The following COL6A5 variants were observed in gnomAD, a reference collection of about 807,000 sequenced individuals.
The protein encoded by COL6A5 is collagen alpha-5(VI) chain.
A neutral mutation model predicts 65.6 loss-of-function variants in COL6A5; 48 were observed. That is an observed-to-expected ratio of 0.73 (90% CI 0.58 to 0.93). The LOEUF (loss-of-function observed/expected upper bound fraction) is 0.93. Ranked by LOEUF, COL6A5 falls within the 40% of genes least tolerant of loss-of-function variation. The pLI is 0.00. For synonymous variants in COL6A5, 291 were observed against 322.8 expected (o/e 0.90, Z 1.05); for missense variants, 914 against 928.3 (o/e 0.98, Z 0.20).
At chr3:130,420,090 G>A (rs1275474511) in intron 25 of COL6A5, among the ~76,000 whole-genome samples, 1 of 151,624 alleles carries the variant, frequency 6.6e-6, no homozygotes, top group Non-Finnish European at 1.5e-5. Flanking sequence ...GTCTTAAAAA[G>A]TATCTTTTTA....
chr3:130,404,672 G>A (rs1324707635), intron 13 of COL6A5, among the ~76,000 whole-genome samples: 1 of 152,194 alleles, frequency 6.6e-6, no homozygotes, highest in African/African-American at 2.4e-5. Context: ...GCAATGGGAA[G>A]CCATAGGGCT....
chr3:130,401,232 CTT>C, intron 11 of COL6A5, 59 bp downstream of exon 11: 1 of 1,428,502 alleles, frequency 7.0e-7, no homozygotes, highest in Non-Finnish European at 9.4e-7. Context: ...AAATTGGAAT[CTT>C]GATGAGAACT....
rs567869139 is a variant in COL6A5, at chr3:130,378,059, A to G, written c.667+1223A>G. 2.0e-4 allele frequency among the ~76,000 whole-genome samples: 30 copies of G among 152,268 alleles called. No homozygotes were observed. The South Asian group carries it at 5.0e-3, about 25-fold the overall frequency. On this transcript the variant is annotated intron_variant and NMD_transcript_variant, in intron 3 of 41. Transcript: ENST00000312481. ...GGTAATTCTTGGCAAGGTTGAGCTT[A>G]TCTCTTGGCTATGCTTTCCACAGCT...
chr3:130,347,426 A>G (rs1209457841), intron 1 of COL6A5, among the ~76,000 whole-genome samples: 1 of 152,048 alleles, frequency 6.6e-6, no homozygotes, highest in African/African-American at 2.4e-5. Flanking sequence ...TTCAAAAACT[A>G]ATCACCTCTC....
At chr3:130,391,310 C>T (rs1440676621) in exon 7 of COL6A5, 39 of 1,551,562 alleles carry the variant, frequency 2.5e-5, no homozygotes, top group East Asian at 4.9e-5. Flanking sequence ...TGGCAGGGAC[C>T]GAGTTCAGTT....
Position 130,480,623 on chromosome 3 carries a change from A to C in COL6A5, c.2329-3412A>C, listed in dbSNP as rs531766243. Among the ~76,000 whole-genome samples the C allele has an allele frequency of 1.7e-4, 26 of 152,284 alleles. No individual in the cohort carries two copies. The South Asian group carries it at 5.4e-3, about 32-fold the overall frequency. On this transcript the variant is annotated intron_variant, in intron 7 of 7. Transcript: ENST00000512836. ...GTTTTATTTTTAAATGTCAGTTTTT[A>C]TAATATGTCACAACTTACATCTTTT...
rs116988614 is a variant in COL6A5 at position 130,373,521 on chromosome 3, A to G, written c.-28-90A>G. 1.9e-3 allele frequency: 1,225 copies of G among 640,528 alleles called. 15 individuals carry two copies. The East Asian group carries it at 0.029, about 15-fold the overall frequency. The allele number at this position is 640,528 out of a possible 1,614,324, so 39.7% of individuals were successfully genotyped here. The stretch of plus-strand genomic sequence containing the variant: ...GGCACTGCTTGACAAATACTTGTTT[A>G]CAGGTACCATGCCCTAATACAACTA... On this transcript the variant is annotated intron_variant and NMD_transcript_variant, in intron 1 of 41. Transcript: ENST00000312481.
intron 5 of COL6A5, among the ~76,000 whole-genome samples, chr3:130,455,889 A>C (rs1425777339): frequency 6.6e-6 from 1 of 152,152 alleles, no homozygotes; most frequent in Non-Finnish European, 1.5e-5. Context: ...TGTCCCTGAT[A>C]TTCTTACCAA....
At chr3:130,377,579 A>G (rs1037495152) in intron 3 of COL6A5, among the ~76,000 whole-genome samples, 9 of 152,248 alleles carry the variant, frequency 5.9e-5, no homozygotes, top group African/African-American at 2.2e-4. Flanking sequence ...AGTGGACTGC[A>G]TTCTGCTGTG....
chr3:130,440,896 A>G lies in COL6A5; in HGVS notation c.1241+71A>G, dbSNP rs923670664. 185 of 1,133,718 alleles carry G rather than the reference A, an allele frequency of 1.6e-4. 2 individuals carry two copies. The highest frequency in any genetic ancestry group is 8.3e-4 in the Middle Eastern group (4 of 4,806). The allele number at this position is 1,133,718 out of a possible 1,614,324, so 70.2% of individuals were successfully genotyped here. A position where few individuals can be genotyped will look rare whatever the true frequency, so the allele number is the denominator to read the frequency against. The stretch of plus-strand genomic sequence containing the variant: ...TTTGTTAATACAGTATTGATAACCT[A>G]TTTTTGTATCTATAGCTAATCTAAA... On this transcript the variant is annotated intron_variant, in intron 3 of 7. Coordinates refer to ENST00000512836, the Ensembl canonical transcript of COL6A5.
chr3:130,402,591 G>T (rs1170630755), intron 12 of COL6A5, among the ~76,000 whole-genome samples: 3 of 152,118 alleles, frequency 2.0e-5, no homozygotes, highest in Non-Finnish European at 2.9e-5. Flanking sequence ...ACTTAACGGT[G>T]AAGTATTTTT....
chr3:130,478,277 T>C (rs1334767816), intron 7 of COL6A5, among the ~76,000 whole-genome samples: 2 of 152,090 alleles, frequency 1.3e-5, no homozygotes, highest in Non-Finnish European at 2.9e-5. Context: ...TAACAAATGA[T>C]ATCAGAGCTA....
intron 5 of COL6A5, among the ~76,000 whole-genome samples, chr3:130,460,839 G>C (rs1213264616): frequency 6.6e-6 from 1 of 151,700 alleles, no homozygotes; most frequent in Non-Finnish European, 1.5e-5. Flanking sequence ...GTGATAGTGA[G>C]GAGGTGATAG....
intron 10 of COL6A5, among the ~76,000 whole-genome samples, chr3:130,399,257 C>T (rs1936722362): frequency 6.6e-6 from 1 of 152,118 alleles, no homozygotes; most frequent in East Asian, 1.9e-4. Context: ...CTGCACAGTT[C>T]CCTTCAATAC....
intron 1 of COL6A5, among the ~76,000 whole-genome samples, chr3:130,435,575 T>C (rs1053102435): frequency 3.9e-5 from 6 of 152,208 alleles, no homozygotes; most frequent in African/African-American, 1.4e-4. Context: ...TCCAAGAGGA[T>C]GGAATGTTTT....
chr3:130,379,270 AT>A, intron 3 of COL6A5, 147 bp from the exon 4 acceptor site: 2 of 766,964 alleles, frequency 2.6e-6, no homozygotes, highest in Non-Finnish European at 4.1e-6. Flanking sequence ...TAGAATTTTG[AT>A]TTTTTGTTCA....
At chr3:130,479,644 A>G (rs934120884) in intron 7 of COL6A5, among the ~76,000 whole-genome samples, 1 of 152,120 alleles carries the variant, frequency 6.6e-6, no homozygotes, top group African/African-American at 2.4e-5. Context: ...AGTTCTTCCA[A>G]TTAGGCTACA....
intron 5 of COL6A5, among the ~76,000 whole-genome samples, chr3:130,468,281 C>G (rs1709863573): frequency 6.6e-6 from 1 of 151,916 alleles, no homozygotes; most frequent in Non-Finnish European, 1.5e-5. Flanking sequence ...ATTTAGATTC[C>G]AAAATCAGCA....
intron 2 of COL6A5, among the ~76,000 whole-genome samples, chr3:130,374,478 G>A (rs563606317): frequency 2.4e-4 from 37 of 152,148 alleles, no homozygotes; most frequent in African/African-American, 7.9e-4. Flanking sequence ...TTTTGAGACA[G>A]AGTCTCACTC....
Sources: allele counts gnomAD v4.1 joint callset (sites outside exome capture counted in the v4.1 genomes callset), GRCh38; gene constraint gnomAD v4.1.1; transcripts MANE v1.5; gene names NCBI Gene and HGNC (gene_info 2026-07-23, HGNC 2026-07-21).